The following KCNK1 variants were observed in gnomAD, a reference collection of about 807,000 sequenced individuals.
KCNK1 encodes potassium channel subfamily K member 1.
In KCNK1, 10 loss-of-function variants were observed where a neutral mutation model predicts 22.2. The observed-to-expected ratio is 0.45, with a 90% CI of 0.28 to 0.76. KCNK1 has a LOEUF of 0.76. KCNK1 is among the 30% of genes least tolerant of loss of function. The pLI, the probability that KCNK1 is intolerant of heterozygous loss-of-function variation, is 0.14. For missense variants in KCNK1, 378 were observed against 421.0 expected (o/e 0.90, Z 0.89); for synonymous variants, 200 against 186.4 (o/e 1.07, Z -0.60).
At chr1:233,654,948 G>A (rs926759852) in intron 1 of KCNK1, among the ~76,000 whole-genome samples, 3 of 152,174 alleles carry the variant, frequency 2.0e-5, no homozygotes, top group Admixed American at 2.0e-4. Context: ...CCTCCACAGA[G>A]AGCCCTTACT....
intron 1 of KCNK1, among the ~76,000 whole-genome samples, chr1:233,640,938 C>G (rs570746249): frequency 2.0e-5 from 3 of 152,308 alleles, no homozygotes; most frequent in East Asian, 3.9e-4. Context: ...CTCCTGAGCT[C>G]AGGTGATCCA....
chr1:233,666,935 G>A lies in KCNK1; in HGVS notation c.696G>A (p.Val232=), dbSNP rs370175526. 106 of 1,613,924 alleles carry A rather than the reference G, an allele frequency of 6.6e-5. 1 individual carries two copies. In the East Asian group the frequency reaches 2.2e-3, roughly 33 times the overall value. The change falls in exon 2 of 3, where the codon GTG becomes GTA. Residue 232 remains valine (V), a synonymous_variant. Transcript: ENST00000366621. The stretch of plus-strand genomic sequence containing the variant: ...GCACCATTGGCCTGGGGGATTATGT[G>A]CCTGGGGAAGGCTACAATCAAAAAT... The part of the protein sequence containing the change: ...SLSTIGLGDY[V]PGEGYNQKFR...
At chr1:233,649,929 A>G in intron 1 of KCNK1, 1 of 533,340 alleles carries the variant, frequency 1.9e-6, no homozygotes, top group Non-Finnish European at 3.8e-6. Flanking sequence ...GTGTTCTGCC[A>G]CTAAATGATG....
At chr1:233,643,574 T>G (rs765029296) in intron 1 of KCNK1, among the ~76,000 whole-genome samples, 66 of 152,302 alleles carry the variant, frequency 4.3e-4, no homozygotes, top group Middle Eastern at 3.4e-3. Flanking sequence ...TTGTTTCCTA[T>G]TTACAGAAGT....
At position 233,625,107 on chromosome 1, in the gene KCNK1, A is replaced by G. The variant is rs1657664731; in HGVS notation, c.355+10581A>G. ...GCCTTCAGAATGAAGACCCAAAAAC[A>G]CAGGGGAAACCATTCACTTTTATGC... is the stretch of plus-strand genomic sequence containing the variant. On this transcript the variant is annotated intron_variant, in intron 1 of 2. Transcript: ENST00000366621. 3.9e-5 allele frequency among the ~76,000 whole-genome samples: 6 copies of G among 152,372 alleles called. No homozygotes were observed. The South Asian group carries it at 1.2e-3, about 32-fold the overall frequency.
intron 1 of KCNK1, among the ~76,000 whole-genome samples, chr1:233,620,842 A>G (rs1455168648): frequency 1.3e-5 from 2 of 152,214 alleles, no homozygotes; most frequent in East Asian, 1.9e-4. Context: ...AAAATTCCAA[A>G]CTAAAATTTT....
chr1:233,637,817 T>C lies in KCNK1; in HGVS notation c.355+23291T>C, dbSNP rs73105516. On this transcript the variant is annotated intron_variant, in intron 1 of 2. Coordinates refer to ENST00000366621, the MANE Select transcript of KCNK1 (RefSeq NM_002245.4). ...CAAGAAACTCATTTTACGTTTTAAA[T>C]GGTTCTATTCACTGGGCTGAATAGA... is the stretch of plus-strand genomic sequence containing the variant. Among the ~76,000 whole-genome samples the C allele has an allele frequency of 2.2e-3, 333 of 152,296 alleles. 1 individual carries two copies. Among genetic ancestry groups the C allele is most frequent in the African/African-American group, 7.7e-3 (320 of 41,574 alleles).
chr1:233,667,634 G>A lies in KCNK1; in HGVS notation c.751+644G>A, dbSNP rs894446905. On this transcript the variant is annotated intron_variant, in intron 2 of 2. Coordinates refer to ENST00000366621, the MANE Select transcript of KCNK1 (RefSeq NM_002245.4). ...AGTCCCAGCTACTCGGGAGGCTGAGGCAGGAGAATGGCGTGAACCCGGGAG... is the reference window on the plus strand; with the variant it reads ...AGTCCCAGCTACTCGGGAGGCTGAGACAGGAGAATGGCGTGAACCCGGGAG... Among the ~76,000 whole-genome samples the A allele has an allele frequency of 2.7e-5, 4 of 148,720 alleles. No homozygotes were observed. The South Asian group carries it at 8.5e-4, about 32-fold the overall frequency.
chr1:233,655,089 G>A (rs951418459), intron 1 of KCNK1, among the ~76,000 whole-genome samples: 21 of 152,248 alleles, frequency 1.4e-4, no homozygotes, highest in Admixed American at 9.8e-4. Context: ...CACCACGCCC[G>A]TGGGTTGGGA....
chr1:233,671,197 G>A, intron 2 of KCNK1, 74 bp from the exon 3 acceptor site: 1 of 1,326,718 alleles, frequency 7.5e-7, no homozygotes, highest in Non-Finnish European at 1.1e-6. Context: ...GCATGAGGTG[G>A]GGAGGTAAAT....
intron 1 of KCNK1, among the ~76,000 whole-genome samples, chr1:233,664,262 A>G (rs551814742): frequency 1.3e-5 from 2 of 152,250 alleles, no homozygotes; most frequent in East Asian, 3.9e-4. Flanking sequence ...GTGGTTCTGT[A>G]ATATCAGCTG....
chr1:233,647,473 G>A (rs1658120059), intron 1 of KCNK1, among the ~76,000 whole-genome samples: 1 of 152,170 alleles, frequency 6.6e-6, no homozygotes, highest in African/African-American at 2.4e-5. Context: ...CTCTTCAGAG[G>A]AGGGCACAGG....
chr1:233,659,975 G>T (rs1419399493), intron 1 of KCNK1, among the ~76,000 whole-genome samples: 1 of 152,232 alleles, frequency 6.6e-6, no homozygotes, highest in Non-Finnish European at 1.5e-5. Flanking sequence ...ACTGCAGCCA[G>T]ATGAGTGCCA....
intron 1 of KCNK1, among the ~76,000 whole-genome samples, chr1:233,627,599 G>C (rs1657712731): frequency 7.2e-6 from 1 of 138,410 alleles, no homozygotes; most frequent in African/African-American, 2.6e-5. Flanking sequence ...AGCTCCAGCA[G>C]ATGCACCTCG....
At chr1:233,656,217 G>A (rs78138563) in intron 1 of KCNK1, among the ~76,000 whole-genome samples, 6,524 of 152,254 alleles carry the variant, frequency 0.043, 409 homozygotes, top group African/African-American at 0.14. Context: ...GAGAGTCTCC[G>A]GTGTGAACTG....
intron 1 of KCNK1, among the ~76,000 whole-genome samples, chr1:233,627,247 T>C (rs977502144): frequency 6.6e-6 from 1 of 152,194 alleles, no homozygotes; most frequent in Non-Finnish European, 1.5e-5. Context: ...TTTATTTCCC[T>C]CAAATACTGT....
At chr1:233,637,755 A>G (rs1657926567) in intron 1 of KCNK1, among the ~76,000 whole-genome samples, 1 of 152,130 alleles carries the variant, frequency 6.6e-6, no homozygotes. Context: ...TGGGAACCTC[A>G]GGATTGAGAG....
intron 1 of KCNK1, among the ~76,000 whole-genome samples, chr1:233,663,413 G>A (rs1231381849): frequency 6.6e-6 from 1 of 152,126 alleles, no homozygotes; most frequent in Non-Finnish European, 1.5e-5. Context: ...ATGAGATTTA[G>A]TTAACATTCT....
intron 2 of KCNK1, among the ~76,000 whole-genome samples, chr1:233,670,791 C>G (rs555255961): frequency 6.6e-6 from 1 of 152,246 alleles, no homozygotes; most frequent in South Asian, 2.1e-4. Context: ...ATTATAAACT[C>G]TTATTCTATA....
Sources: gnomAD v4.1 joint callset for allele counts (sites outside exome capture counted in the v4.1 genomes callset) on GRCh38, gnomAD v4.1.1 for gene constraint, MANE v1.5 for transcripts, NCBI Gene and HGNC (gene_info 2026-07-23, HGNC 2026-07-21) for gene names.